The following SGCD variants were observed in gnomAD, a reference collection of about 807,000 sequenced individuals.
The protein encoded by SGCD is sarcoglycan delta, also known as delta-sarcoglycan.
SGCD carries 18 observed loss-of-function variants against 36.6 expected under a neutral mutation model. The observed-to-expected ratio is 0.49, with a 90% CI of 0.34 to 0.73. The LOEUF is 0.73. Ranked by LOEUF, SGCD falls within the 30% of genes least tolerant of loss-of-function variation. The pLI is 0.01. For missense variants in SGCD, 387 were observed against 346.7 expected, an observed-to-expected ratio of 1.12 and a Z score of -0.92; for synonymous variants, 133 against 130.6, an observed-to-expected ratio of 1.02 and a Z score of -0.12.
intron 6 of SGCD, among the ~76,000 whole-genome samples, chr5:156,624,308 G>A (rs962122101): frequency 6.6e-6 from 1 of 152,144 alleles, no homozygotes; most frequent in East Asian, 1.9e-4. Flanking sequence ...TGGGCCAGGC[G>A]CGGTGGCTCA....
chr5:156,670,797 C>A (rs1753256206), intron 7 of SGCD, among the ~76,000 whole-genome samples: 1 of 152,160 alleles, frequency 6.6e-6, no homozygotes, highest in Non-Finnish European at 1.5e-5. Flanking sequence ...AATTTCCTGG[C>A]CATGGGCTAT....
At chr5:155,762,529 C>T in the SGCD span, among the ~76,000 whole-genome samples, 1 of 152,194 alleles carries the variant, frequency 6.6e-6, no homozygotes, top group African/African-American at 2.4e-5. Context: ...ATTTGGCACT[C>T]ATTTAATCTT....
At chr5:156,590,747 T>C (rs1008460763) in intron 5 of SGCD, among the ~76,000 whole-genome samples, 17 of 151,250 alleles carry the variant, frequency 1.1e-4, no homozygotes, top group Admixed American at 8.6e-4. Context: ...TCTCTTTTTT[T>C]CCCCCCACTC....
At chr5:156,330,862 C>T (rs13358340) in intron 2 of SGCD, among the ~76,000 whole-genome samples, 11,491 of 152,172 alleles carry the variant, frequency 0.076, 445 homozygotes, top group South Asian at 0.18. Context: ...AGACTGGGGT[C>T]CTGGCTGTGT....
At chr5:156,015,635 G>T (rs1758956119) in intron 1 of SGCD, among the ~76,000 whole-genome samples, 1 of 151,514 alleles carries the variant, frequency 6.6e-6, no homozygotes, top group African/African-American at 2.4e-5. Context: ...ATATGTATAT[G>T]TATATGTATA....
intron 4 of SGCD, among the ~76,000 whole-genome samples, chr5:156,519,494 G>C (rs1757317623): frequency 6.6e-6 from 1 of 152,194 alleles, no homozygotes; most frequent in Non-Finnish European, 1.5e-5. Flanking sequence ...TTGAAAAGGA[G>C]GGATTCTTCC....
intron 4 of SGCD, among the ~76,000 whole-genome samples, chr5:156,554,680 C>G (rs1405919236): frequency 6.7e-6 from 1 of 149,590 alleles, no homozygotes; most frequent in African/African-American, 2.4e-5. Context: ...TGATTCAGTA[C>G]TATGGGTGGT....
intron 7 of SGCD, among the ~76,000 whole-genome samples, chr5:156,653,090 C>T (rs538440049): frequency 1.1e-4 from 16 of 151,968 alleles, no homozygotes; most frequent in Admixed American, 5.9e-4. Context: ...TTTTGATATT[C>T]GGGTGATGCT....
chr5:156,236,825 T>C (rs1041226985), intron 3 of SGCD, among the ~76,000 whole-genome samples: 28 of 151,740 alleles, frequency 1.8e-4, no homozygotes, highest in Middle Eastern at 6.8e-3. Flanking sequence ...GGGTAATGGA[T>C]TGCTGAGCCA....
At chr5:156,196,743 T>C (rs1446898472) in intron 3 of SGCD, among the ~76,000 whole-genome samples, 1 of 152,156 alleles carries the variant, frequency 6.6e-6, no homozygotes, top group Non-Finnish European at 1.5e-5. Context: ...ATTCTAGAAA[T>C]ATATTATTAA....
At chr5:156,524,553 G>A (rs1432681) in intron 4 of SGCD, among the ~76,000 whole-genome samples, 66,647 of 151,086 alleles carry the variant, frequency 0.44, 15,043 homozygotes, top group Non-Finnish European at 0.47. Context: ...AACCAATAAC[G>A]TATTCACCAC....
Position 156,278,689 on chromosome 5 carries a change from C to T in SGCD, c.-43-50845C>T, listed in dbSNP as rs145704763. 1.4e-4 allele frequency among the ~76,000 whole-genome samples: 21 copies of T among 152,230 alleles called. No homozygotes were observed. The East Asian group carries it at 3.9e-3, about 28-fold the overall frequency. ...CTATCCTCTTGGAAATTGTAGGATG[C>T]TTTTTTAAATTTACCTTTTTCATTG... On this transcript the variant is annotated intron_variant, in intron 3 of 9. Transcript: ENST00000517913.
intron 7 of SGCD, among the ~76,000 whole-genome samples, chr5:156,725,673 C>T (rs1393118746): frequency 6.6e-6 from 1 of 152,176 alleles, no homozygotes; most frequent in African/African-American, 2.4e-5. Context: ...ACTCTTGCCC[C>T]AGGTAAAATA....
intron 7 of SGCD, among the ~76,000 whole-genome samples, chr5:156,666,892 A>G (rs1274937282): frequency 6.6e-6 from 1 of 152,218 alleles, no homozygotes; most frequent in Non-Finnish European, 1.5e-5. Flanking sequence ...CACAGCAGTG[A>G]GTTGAGATCA....
intron 3 of SGCD, among the ~76,000 whole-genome samples, chr5:156,362,193 T>C (rs1769833193): frequency 6.6e-6 from 1 of 152,230 alleles, no homozygotes; most frequent in African/African-American, 2.4e-5. Context: ...CACTGCACTA[T>C]GTCATTCATG....
chr5:156,735,581 G>A (rs1421349869), intron 7 of SGCD, among the ~76,000 whole-genome samples: 1 of 151,978 alleles, frequency 6.6e-6, no homozygotes, highest in African/African-American at 2.4e-5. Flanking sequence ...GCCCCAGTCA[G>A]ATTGGACTCT....
intron 4 of SGCD, among the ~76,000 whole-genome samples, chr5:156,544,748 A>G (rs1243789547): frequency 6.6e-6 from 1 of 152,202 alleles, no homozygotes; most frequent in Non-Finnish European, 1.5e-5. Flanking sequence ...ACTCAAAGGT[A>G]TGTACACAAA....
At chr5:156,133,079 G>A (rs1762366466) in intron 3 of SGCD, among the ~76,000 whole-genome samples, 1 of 152,086 alleles carries the variant, frequency 6.6e-6, no homozygotes, top group Admixed American at 6.5e-5. Flanking sequence ...CTTCTCTTTT[G>A]GATCTCAATT....
chr5:156,395,106 G>C (rs1771777441), intron 3 of SGCD, among the ~76,000 whole-genome samples: 1 of 152,170 alleles, frequency 6.6e-6, no homozygotes, highest in Non-Finnish European at 1.5e-5. Context: ...TAAACAAATG[G>C]GAGAAGCAAG....
Sources: allele counts gnomAD v4.1 joint callset (sites outside exome capture counted in the v4.1 genomes callset), GRCh38; gene constraint gnomAD v4.1.1; transcripts MANE v1.5; gene names NCBI Gene and HGNC (gene_info 2026-07-23, HGNC 2026-07-21).